The following MDFIC2 variants were observed in gnomAD, a reference collection of about 807,000 sequenced individuals.
The protein encoded by MDFIC2 is myoD family inhibitor domain-containing protein 2.
rs77458393 is a variant in MDFIC2, at chr3:70,228,137, G to C, written c.89-21347C>G. ...AGTTCAACATTTAAAAGTGAAGAAG[G>C]TGGTAAGAGTTGTCTTTACTGTCCT... On this transcript the variant is annotated intron_variant, in intron 2 of 3. Transcript: ENST00000567252. Among the ~76,000 whole-genome samples the C allele has an allele frequency of 4.3e-4, 66 of 152,008 alleles. 1 individual carries two copies. The highest frequency in any genetic ancestry group is 3.9e-3 in the East Asian group (20 of 5,172).
intron 2 of MDFIC2, among the ~76,000 whole-genome samples, chr3:70,236,888 C>A (rs1047047532): frequency 6.6e-6 from 1 of 152,144 alleles, no homozygotes; most frequent in South Asian, 2.1e-4. Context: ...ACAGCCACTG[C>A]GCCTAGCAGA....
At chr3:70,237,420 C>T (rs774282093) in intron 2 of MDFIC2, among the ~76,000 whole-genome samples, 2 of 152,216 alleles carry the variant, frequency 1.3e-5, no homozygotes, top group African/African-American at 2.4e-5. Context: ...ATCTTGACCT[C>T]TTTGTGCATG....
At chr3:70,221,920 T>C (rs907087678) in intron 2 of MDFIC2, among the ~76,000 whole-genome samples, 11 of 152,218 alleles carry the variant, frequency 7.2e-5, no homozygotes, top group African/African-American at 2.7e-4. Context: ...TGAGTGTTAG[T>C]ACTCATCCTA....
At chr3:70,258,634 C>T (rs1375530321) in intron 2 of MDFIC2, among the ~76,000 whole-genome samples, 2 of 152,092 alleles carry the variant, frequency 1.3e-5, no homozygotes, top group African/African-American at 4.8e-5. Flanking sequence ...TGACTTAGCT[C>T]TCACACTACT....
chr3:70,229,260 G>A (rs533364800), intron 2 of MDFIC2, among the ~76,000 whole-genome samples: 6 of 152,330 alleles, frequency 3.9e-5, no homozygotes, highest in African/African-American at 1.4e-4. Context: ...TAGCCAAGGA[G>A]GGTGAGTGTG....
intron 2 of MDFIC2, among the ~76,000 whole-genome samples, chr3:70,294,890 C>G (rs766249145): frequency 6.6e-6 from 1 of 151,910 alleles, no homozygotes. Flanking sequence ...TTTTTGTGAA[C>G]CATCTTAAAG....
intron 2 of MDFIC2, among the ~76,000 whole-genome samples, chr3:70,261,398 C>T (rs62256476): frequency 0.099 from 15,130 of 152,268 alleles, 981 homozygotes; most frequent in Middle Eastern, 0.17. Context: ...GAAACCTCAG[C>T]AGCTTCACTC....
At chr3:70,220,239 T>G (rs968364833) in intron 2 of MDFIC2, among the ~76,000 whole-genome samples, 2 of 152,056 alleles carry the variant, frequency 1.3e-5, no homozygotes, top group Non-Finnish European at 2.9e-5. Context: ...AATAGTCTCA[T>G]GTATTATCAG....
At chr3:70,302,467 A>G (rs886620115) in intron 2 of MDFIC2, 2 of 152,154 alleles carry the variant, frequency 1.3e-5, no homozygotes, top group East Asian at 1.9e-4. Flanking sequence ...TCTCACTATA[A>G]GACTGCTCTT....
chr3:70,254,799 A>G (rs1205412325), intron 2 of MDFIC2, among the ~76,000 whole-genome samples: 5 of 152,194 alleles, frequency 3.3e-5, no homozygotes, highest in Non-Finnish European at 7.4e-5. Context: ...CTTCTTGTGC[A>G]TTCTTCTATA....
At chr3:70,272,191 A>G (rs1304673985) in intron 2 of MDFIC2, 1 of 152,244 alleles carries the variant, frequency 6.6e-6, no homozygotes, top group South Asian at 2.1e-4. Flanking sequence ...TTCCAAATGC[A>G]TAGTGGGGGT....
At chr3:70,294,704 C>T (rs749940759) in intron 2 of MDFIC2, among the ~76,000 whole-genome samples, 16 of 151,940 alleles carry the variant, frequency 1.1e-4, no homozygotes, top group Non-Finnish European at 1.6e-4. Context: ...TAGAATGGCT[C>T]GAGGATTGAT....
chr3:70,233,586 AAAC>A (rs1315918363), intron 2 of MDFIC2, among the ~76,000 whole-genome samples: 1 of 152,174 alleles, frequency 6.6e-6, no homozygotes, highest in Non-Finnish European at 1.5e-5. Flanking sequence ...CCCACAATCA[AAAC>A]AACAAACATT....
intron 3 of MDFIC2, among the ~76,000 whole-genome samples, chr3:70,203,631 T>C (rs932103706): frequency 1.3e-5 from 2 of 152,158 alleles, no homozygotes; most frequent in Non-Finnish European, 2.9e-5. Flanking sequence ...CACTGGTGCA[T>C]TTAATTGTAT....
At chr3:70,200,468 T>C (rs1701226705) in intron 3 of MDFIC2, among the ~76,000 whole-genome samples, 1 of 152,204 alleles carries the variant, frequency 6.6e-6, no homozygotes, top group South Asian at 2.1e-4. Flanking sequence ...TCAGGGCCTT[T>C]GCACATGCTG....
intron 2 of MDFIC2, among the ~76,000 whole-genome samples, chr3:70,290,111 G>A (rs994793327): frequency 2.1e-4 from 32 of 152,318 alleles, no homozygotes; most frequent in Non-Finnish European, 2.9e-4. Flanking sequence ...GAGGAGCTGC[G>A]TTCCTTTGTA....
At chr3:70,268,206 C>G (rs905204305) in intron 2 of MDFIC2, among the ~76,000 whole-genome samples, 4 of 152,148 alleles carry the variant, frequency 2.6e-5, no homozygotes, top group African/African-American at 9.7e-5. Context: ...CGCGGTAGCT[C>G]ACGCCTGTCA....
chr3:70,253,478 G>T (rs1193923334), intron 2 of MDFIC2, among the ~76,000 whole-genome samples: 1 of 152,192 alleles, frequency 6.6e-6, no homozygotes, highest in Non-Finnish European at 1.5e-5. Flanking sequence ...ATCCAGCTGG[G>T]CACAGTGGCT....
intron 2 of MDFIC2, among the ~76,000 whole-genome samples, chr3:70,288,707 G>C (rs1478010455): frequency 1.3e-5 from 2 of 151,800 alleles, no homozygotes; most frequent in Non-Finnish European, 2.9e-5. Flanking sequence ...TCTCTTTGTA[G>C]GTCACTCAGG....
Sources: allele counts gnomAD v4.1 joint callset (sites outside exome capture counted in the v4.1 genomes callset), GRCh38; gene constraint gnomAD v4.1.1; transcripts MANE v1.5; gene names NCBI Gene and HGNC (gene_info 2026-07-23, HGNC 2026-07-21).